The following NARF variants were observed in gnomAD, a reference collection of about 807,000 sequenced individuals.
NARF encodes iron-only hydrogenase-like protein 2.
Under a neutral mutation model 48.0 loss-of-function variants are expected in NARF, and 41 were observed. That is an observed-to-expected ratio of 0.85 (90% CI 0.66 to 1.11). NARF has a LOEUF of 1.11. Among genes scored for constraint, NARF ranks in the 50% least tolerant of loss-of-function variants. The pLI is 0.00. For missense variants in NARF, 613 were observed against 590.2 expected (o/e 1.04, Z -0.40); for synonymous variants, 215 against 225.5 (o/e 0.95, Z 0.42).
rs888035078 is a variant in NARF, at chr17:82,461,560, G to A, written c.108+1488G>A. ...CGGGAGGCGGAGGTTGAGGTGAGCCGAGATCACGCCACTGCACTCCAGCTG... is the reference window on the plus strand; with the variant it reads ...CGGGAGGCGGAGGTTGAGGTGAGCCAAGATCACGCCACTGCACTCCAGCTG... On this transcript the variant is annotated intron_variant, in intron 2 of 10. Coordinates refer to ENST00000309794, the MANE Select transcript of NARF (RefSeq NM_012336.4). Among the ~76,000 whole-genome samples the A allele has an allele frequency of 3.3e-5, 5 of 152,256 alleles. No homozygotes were observed. The East Asian group carries it at 5.8e-4, about 18-fold the overall frequency.
chr17:82,471,269 C>A (rs140100806), intron 4 of NARF, among the ~76,000 whole-genome samples: 119 of 150,740 alleles, frequency 7.9e-4, no homozygotes, highest in African/African-American at 2.8e-3. Context: ...TCCTGGCTAA[C>A]GCAGTGAAAC....
rs375499860 is a variant in NARF, at chr17:82,485,617, C to T, written c.1092C>T (p.Phe364=). Residue 364 remains phenylalanine (F), a synonymous_variant, in exon 10 of 11, where the codon TTC becomes TTT. Transcript: ENST00000309794. ...NMILKLKKGK[F]PFHFVEVLAC... is the part of the protein sequence containing the mutation. ...TCCTGAAGCTTAAGAAGGGCAAGTT[C>T]CCATTCCACTTTGTGGAGGTCCTCG... The T allele has an allele frequency of 6.2e-7, 1 of 1,614,170 alleles. No homozygotes were observed. Among genetic ancestry groups the T allele is most frequent in the Non-Finnish European group, 8.5e-7 (1 of 1,180,042 alleles).
rs772376171 is a variant in NARF at position 82,468,744 on chromosome 17, T to C, written c.253-20T>C. 8 of 1,612,430 alleles carry C rather than the reference T, an allele frequency of 5.0e-6. No homozygotes were observed. In the South Asian group the frequency reaches 8.8e-5, roughly 18 times the overall value. On this transcript the variant is annotated intron_variant, in intron 3 of 10. Coordinates refer to ENST00000309794, the MANE Select transcript of NARF (RefSeq NM_012336.4). Reference sequence around the variant, plus strand: ...TTGTGTAATCAGCAGATACCTAACATTCTCTATTTCTCCTTCTAGAAATGT... The same window carrying C: ...TTGTGTAATCAGCAGATACCTAACACTCTCTATTTCTCCTTCTAGAAATGT...
At chr17:82,477,510 A>C (rs1179801767) in intron 5 of NARF, 1 of 152,202 alleles carries the variant, frequency 6.6e-6, no homozygotes, top group East Asian at 1.9e-4. Flanking sequence ...TCAAAAAAAA[A>C]ACAAAAACAA....
Position 82,461,701 on chromosome 17 carries a change from G to A in NARF, c.108+1629G>A, listed in dbSNP as rs140363597. ...CTGGCCATTATCCCTGTTTTACTGA[G>A]TGAAGGGTGTTGGGAGAGGTTAAGG... On this transcript the variant is annotated intron_variant, in intron 2 of 10. Coordinates refer to ENST00000309794, the MANE Select transcript of NARF (RefSeq NM_012336.4). 3.4e-3 allele frequency among the ~76,000 whole-genome samples: 513 copies of A among 152,364 alleles called. 2 individuals carry two copies. Among genetic ancestry groups the A allele is most frequent in the African/African-American group, 0.012 (486 of 41,590 alleles).
chr17:82,481,591 A>G (rs2043965895), intron 7 of NARF, among the ~76,000 whole-genome samples: 1 of 152,036 alleles, frequency 6.6e-6, no homozygotes, highest in South Asian at 2.1e-4. Context: ...CTAGCCGGGC[A>G]TGGTGGCACA....
chr17:82,474,867 G>A (rs118159103), intron 5 of NARF, among the ~76,000 whole-genome samples: 691 of 152,328 alleles, frequency 4.5e-3, no homozygotes, highest in Non-Finnish European at 7.6e-3. Context: ...GATGGGGACA[G>A]GGATGTTAGT....
In NARF at chr17:82,485,506, C is replaced by T; in HGVS notation, c.981C>T (p.Asp327=). Reference sequence around the variant, plus strand: ...TGTGTTCATTTTGTAGAAACAAAGACTTCCAAGAGGTCACCCTTGAGAAGA... The same window carrying T: ...TGTGTTCATTTTGTAGAAACAAAGATTTCCAAGAGGTCACCCTTGAGAAGA... ...EVTYRALRNK[D]FQEVTLEKNG... Residue 327 remains aspartate (D), a synonymous_variant, in exon 10 of 11, where the codon GAC becomes GAT. Coordinates refer to ENST00000309794, the MANE Select transcript of NARF (RefSeq NM_012336.4). 6.2e-7 allele frequency: 1 copy of T among 1,614,070 alleles called. No homozygotes were observed. Among genetic ancestry groups the T allele is most frequent in the Non-Finnish European group, 8.5e-7 (1 of 1,179,962 alleles).
intron 6 of NARF, among the ~76,000 whole-genome samples, chr17:82,480,155 C>T (rs754871434): frequency 1.3e-5 from 2 of 152,236 alleles, no homozygotes; most frequent in Non-Finnish European, 2.9e-5. Context: ...TTGGCAACTG[C>T]TGGCTCCTGG....
intron 4 of NARF, among the ~76,000 whole-genome samples, chr17:82,472,182 G>A (rs1473451200): frequency 6.6e-6 from 1 of 151,934 alleles, no homozygotes; most frequent in Non-Finnish European, 1.5e-5. Context: ...GCAAAAATGA[G>A]TAAGAATGAA....
chr17:82,479,025 C>G lies in NARF; in HGVS notation c.639+107C>G, dbSNP rs890818559. On this transcript the variant is annotated intron_variant, in intron 6 of 10. Coordinates refer to ENST00000309794, the MANE Select transcript of NARF (RefSeq NM_012336.4). Reference sequence around the variant, plus strand: ...TCTGTCCAGCGTGGTCACGGCCCCCCAGGTGAGCAAAAAGGAAGCTGTGGC... The same window carrying G: ...TCTGTCCAGCGTGGTCACGGCCCCCGAGGTGAGCAAAAAGGAAGCTGTGGC... 9.0e-6 allele frequency: 9 copies of G among 1,003,408 alleles called. 1 individual carries two copies. The South Asian group carries it at 1.5e-4, about 17-fold the overall frequency. 62.2% of individuals were successfully genotyped at this position (1,003,408 alleles called of 1,614,324 possible). A position where few individuals can be genotyped will look rare whatever the true frequency, so the allele number is the denominator to read the frequency against.
At chr17:82,482,930 G>A (rs1460107638) in intron 7 of NARF, 4 of 151,852 alleles carry the variant, frequency 2.6e-5, no homozygotes, top group Non-Finnish European at 4.4e-5. Flanking sequence ...GAGTAGCTGG[G>A]ATTACAGGTG....
At chr17:82,476,250 G>T (rs931890100) in intron 5 of NARF, among the ~76,000 whole-genome samples, 1 of 151,782 alleles carries the variant, frequency 6.6e-6, no homozygotes, top group African/African-American at 2.4e-5. Flanking sequence ...TCAGGTGATC[G>T]CCCGCCTCAG....
intron 6 of NARF, chr17:82,480,622 A>T: frequency 2.4e-6 from 1 of 418,120 alleles, no homozygotes; most frequent in Admixed American, 4.0e-5. Context: ...GACCCACAAC[A>T]GTCCCAGCCC....
intron 4 of NARF, 81 bp from the exon 5 acceptor site, chr17:82,472,483 C>CA (rs533007162): frequency 0.2 from 223,546 of 1,136,070 alleles, 55 homozygotes; most frequent in Non-Finnish European, 0.21. Flanking sequence ...GACTCCGTCT[C>CA]AAAAAAAAAA....
At chr17:82,459,756 C>G (rs1480849160) in intron 1 of NARF, among the ~76,000 whole-genome samples, 1 of 152,116 alleles carries the variant, frequency 6.6e-6, no homozygotes, top group Non-Finnish European at 1.5e-5. Context: ...GTAATCCCAG[C>G]TACTCAGAAG....
chr17:82,461,438 C>T (rs1336681695), intron 2 of NARF, among the ~76,000 whole-genome samples: 1 of 152,024 alleles, frequency 6.6e-6, no homozygotes, highest in South Asian at 2.1e-4. Flanking sequence ...ATAGATAAAC[C>T]CCATCTCTAC....
rs1049478220 is a variant in NARF at position 82,466,260 on chromosome 17, C to T, written c.252+1830C>T. ...AACAGCTGTGTGCAGCCATCCTGGT[C>T]ACATTCAATATCAAATTCAGTTTTT... On this transcript the variant is annotated intron_variant, in intron 3 of 10. Transcript: ENST00000309794. Among the ~76,000 whole-genome samples the T allele has an allele frequency of 1.1e-4, 16 of 152,236 alleles. No homozygotes were observed. The South Asian group carries it at 3.1e-3, about 30-fold the overall frequency.
chr17:82,467,302 C>T (rs568690597), intron 3 of NARF, among the ~76,000 whole-genome samples: 1 of 152,164 alleles, frequency 6.6e-6, no homozygotes, highest in African/African-American at 2.4e-5. Flanking sequence ...CAGCCCCGGC[C>T]TCCCAAAGTG....
Sources: gnomAD v4.1 joint callset for allele counts (sites outside exome capture counted in the v4.1 genomes callset) on GRCh38, gnomAD v4.1.1 for gene constraint, MANE v1.5 for transcripts, NCBI Gene and HGNC (gene_info 2026-07-23, HGNC 2026-07-21) for gene names.